Variants in RNF41 observed in about 807,000 individuals in gnomAD.
The protein encoded by RNF41 is E3 ubiquitin-protein ligase NRDP1.
In RNF41, 4 loss-of-function variants were observed where a neutral mutation model predicts 33.0. The observed-to-expected ratio is 0.12, with a 90% CI of 0.06 to 0.28. The LOEUF (loss-of-function observed/expected upper bound fraction) is 0.28, where lower values mean the gene tolerates loss of function less well. Among genes scored for constraint, RNF41 ranks in the 10% least tolerant of loss-of-function variants. RNF41 has a pLI of 1.00. For missense variants in RNF41, 228 were observed against 432.6 expected (o/e 0.53, Z 4.19); for synonymous variants, 164 against 153.2 (o/e 1.07, Z -0.52).
chr12:56,215,717 CAAAAAAAAAAAA>C (rs58103466), intron 2 of RNF41, among the ~76,000 whole-genome samples: 5 of 74,526 alleles, frequency 6.7e-5, no homozygotes, highest in African/African-American at 1.0e-4. Context: ...GACTCTGTCT[CAAAAAAAAAAAA>C]AAAAAAAAAG....
At chr12:56,213,328 T>G (rs1247774361) in intron 3 of RNF41, among the ~76,000 whole-genome samples, 1 of 151,930 alleles carries the variant, frequency 6.6e-6, no homozygotes, top group African/African-American at 2.4e-5. Context: ...GCCTCCTGAG[T>G]AGCTGGGACT....
rs925023474 is a variant in RNF41 at position 56,214,601 on chromosome 12, G to A, written c.-23-531C>T. 2.0e-5 allele frequency among the ~76,000 whole-genome samples: 3 copies of A among 151,924 alleles called. No homozygotes were observed. In the South Asian group the frequency reaches 6.2e-4, roughly 32 times the overall value. ...CCCAGCACTTTGGGAGGCCGGGACA[G>A]GCAGATGAGCTGAGGTCAGGAGTTC... On this transcript the variant is annotated intron_variant, in intron 2 of 6. Transcript: ENST00000345093.
Position 56,206,683 on chromosome 12 carries a change from C to G in RNF41, c.718G>C (p.Ala240Pro), listed in dbSNP as rs1265909484. Residue 240 changes from alanine (A) to proline (P), a missense_variant, in exon 7 of 7, where the codon GCT becomes CCT. Ala to Pro is a conservative substitution (Grantham distance 27). Around this residue, in one of 2 missense-constraint regions of RNF41, gnomAD observed 199 missense variants for 334.6 expected, o/e 0.59. Coordinates refer to ENST00000345093, the MANE Select transcript of RNF41 (RefSeq NM_005785.4). The surrounding 1 kb of genome is among the most constrained non-coding windows in gnomAD (Gnocchi z 5.7). ...TCAATCAGCTCGTTGACAATAGAAG[C>G]AGGACAGCCACTCTCCACCAGGGAG... is the stretch of plus-strand genomic sequence containing the variant. ...KRSLVESGCP[A>P]SIVNELIENA... 5 of 1,614,134 alleles carry G rather than the reference C, an allele frequency of 3.1e-6. No individual in the cohort carries two copies. The African/African-American group carries it at 6.7e-5, about 22-fold the overall frequency.
intron 1 of RNF41, among the ~76,000 whole-genome samples, chr12:56,221,366 G>C (rs1869413599): frequency 1.3e-5 from 2 of 152,132 alleles, no homozygotes; most frequent in Non-Finnish European, 2.9e-5. Flanking sequence ...GGCGCTTCGA[G>C]GGCGGGGGTT....
intron 3 of RNF41, 120 bp downstream of exon 3, chr12:56,213,838 T>A (rs1868657591): frequency 1.3e-6 from 1 of 741,204 alleles, no homozygotes; most frequent in Non-Finnish European, 2.4e-6. Context: ...AAATCTCTAT[T>A]GGGTGAGGGT....
intron 1 of RNF41, among the ~76,000 whole-genome samples, chr12:56,219,399 G>A (rs927056093): frequency 2.0e-5 from 3 of 151,068 alleles, no homozygotes; most frequent in Admixed American, 1.3e-4. Context: ...GTTTCACCAC[G>A]TTAGCCAGGA....
chr12:56,220,942 T>C (rs991315839), intron 1 of RNF41, among the ~76,000 whole-genome samples: 2 of 152,136 alleles, frequency 1.3e-5, no homozygotes, highest in Non-Finnish European at 2.9e-5. Context: ...TATCAGTCTC[T>C]TGCCCTATTG....
chr12:56,215,726 A>G (rs1441850788), intron 2 of RNF41, among the ~76,000 whole-genome samples: 1 of 151,210 alleles, frequency 6.6e-6, no homozygotes, highest in East Asian at 1.9e-4. Context: ...TCAAAAAAAA[A>G]AAAAAAAAAA....
At chr12:56,210,091 C>T in intron 4 of RNF41, 3 of 591,704 alleles carry the variant, frequency 5.1e-6, no homozygotes, top group Non-Finnish European at 9.0e-6. Flanking sequence ...TGCTGTGCCC[C>T]TTCTTTTGTT....
chr12:56,207,132 G>A, intron 6 of RNF41: 1 of 1,307,958 alleles, frequency 7.6e-7, no homozygotes, highest in Non-Finnish European at 9.9e-7. Flanking sequence ...GTCCCACTCA[G>A]CACTATTTGC....
At position 56,210,418 on chromosome 12, in the gene RNF41, T is replaced by C; in HGVS notation, c.241A>G (p.Ile81Val). The change falls in exon 4 of 7, where the codon ATT becomes GTT. Residue 81 changes from isoleucine to valine, a missense_variant. Physicochemically the swap from Ile to Val is conservative, Grantham distance 29. Coordinates refer to ENST00000345093, the MANE Select transcript of RNF41 (RefSeq NM_005785.4). Reference sequence around the variant, plus strand: ...CCGAACACAGCGTTGTCACAGGCAATCTGCAGCTTTGACAACATGTTCCGC... The same window carrying C: ...CCGAACACAGCGTTGTCACAGGCAACCTGCAGCTTTGACAACATGTTCCGC... ...IMRNMLSKLQIACDNAVFGCS... is the reference protein window; with the variant it reads ...IMRNMLSKLQVACDNAVFGCS... 1 of 1,614,170 alleles carries C rather than the reference T, an allele frequency of 6.2e-7. No individual in the cohort carries two copies. Among genetic ancestry groups the C allele is most frequent in the Non-Finnish European group, 8.5e-7 (1 of 1,180,018 alleles).
intron 2 of RNF41, among the ~76,000 whole-genome samples, chr12:56,216,197 A>G (rs1451454977): frequency 6.6e-6 from 1 of 152,012 alleles, no homozygotes; most frequent in Non-Finnish European, 1.5e-5. Flanking sequence ...AGTACATAGG[A>G]AAAAAAACAC....
chr12:56,220,954 C>CA (rs915740906), intron 1 of RNF41, among the ~76,000 whole-genome samples: 38 of 152,258 alleles, frequency 2.5e-4, no homozygotes, highest in African/African-American at 8.9e-4. Flanking sequence ...GCCCTATTGT[C>CA]AGACTCTAAA....
At chr12:56,207,404 T>C (rs1415498066) in intron 6 of RNF41, 2 of 837,390 alleles carry the variant, frequency 2.4e-6, no homozygotes, top group Admixed American at 4.1e-5. Context: ...CTCACCTAAT[T>C]CTGGATAAAG....
intron 3 of RNF41, chr12:56,213,277 T>C (rs1868618017): frequency 1.1e-5 from 5 of 447,300 alleles, no homozygotes; most frequent in South Asian, 8.5e-5. Flanking sequence ...CTCGGCTCAC[T>C]GCAACCTCCT....
chr12:56,208,784 T>C (rs1253321490), intron 4 of RNF41, among the ~76,000 whole-genome samples: 2 of 151,972 alleles, frequency 1.3e-5, no homozygotes, highest in Non-Finnish European at 2.9e-5. Flanking sequence ...CAGGCTGGTC[T>C]CAAACTCCTG....
Position 56,210,579 on chromosome 12 carries a change from G to A in RNF41, c.91-11C>T, listed in dbSNP as rs759297355. 18 of 1,609,506 alleles carry A rather than the reference G, an allele frequency of 1.1e-5. No homozygotes were observed. The highest frequency in any genetic ancestry group is 1.4e-5 in the Non-Finnish European group (17 of 1,179,276). Reference sequence around the variant, plus strand: ...TTCACAATGAGGTGCCTAGAAGAGAGAACAAGGCAAAAGGGGCGCAAGGGA... The same window carrying A: ...TTCACAATGAGGTGCCTAGAAGAGAAAACAAGGCAAAAGGGGCGCAAGGGA... On this transcript the variant is annotated splice_polypyrimidine_tract_variant and intron_variant, in intron 3 of 6. Coordinates refer to ENST00000345093, the MANE Select transcript of RNF41 (RefSeq NM_005785.4).
At position 56,204,379 on chromosome 12, in the gene RNF41, T is replaced by C. The variant is rs1307832253; in HGVS notation, c.*2068A>G. 1 of 151,996 alleles carries C rather than the reference T, an allele frequency of 6.6e-6. No homozygotes were observed. Among genetic ancestry groups the C allele is most frequent in the Non-Finnish European group, 1.5e-5 (1 of 68,018 alleles). The allele number at this position is 151,996 out of a possible 1,614,324, so 9.4% of individuals were successfully genotyped here. A position where few individuals can be genotyped will look rare whatever the true frequency, so the allele number is the denominator to read the frequency against. On this transcript the variant is annotated 3_prime_UTR_variant, in exon 7 of 7. Transcript: ENST00000345093. ...TGCACACTACTCCCAGACATCCTCC[T>C]GAAAGAGAAGTTAGCACTAAGATAA... is the stretch of plus-strand genomic sequence containing the variant.
chr12:56,210,336 T>C lies in RNF41; in HGVS notation c.323A>G (p.His108Arg). ...NLMSHLSDCE[H>R]NPKRPVTCEQ... ...ACAGGTCACAGGCCGCTTCGGGTTG[T>C]GCTCACAGTCGCTGAGGTGAGACAT... The change falls in exon 4 of 7, where the codon CAC (histidine) becomes CGC (arginine). Residue 108 changes from histidine to arginine, a missense_variant. Transcript: ENST00000345093. 1 of 1,614,112 alleles carries C rather than the reference T, an allele frequency of 6.2e-7. No homozygotes were observed. The highest frequency in any genetic ancestry group is 8.5e-7 in the Non-Finnish European group (1 of 1,179,976).
Sources: allele counts gnomAD v4.1 joint callset (sites outside exome capture counted in the v4.1 genomes callset), GRCh38; gene constraint gnomAD v4.1.1; regional missense constraint gnomAD v4.1.1; non-coding constraint Gnocchi (gnomAD v3.1); transcripts MANE v1.5; gene names NCBI Gene and HGNC (gene_info 2026-07-23, HGNC 2026-07-21).